SI: variants seen among roughly 807,000 people sequenced by gnomAD.
The protein encoded by SI is sucrase-isomaltase, intestinal.
SI carries 235 observed loss-of-function variants against 253.3 expected under a neutral mutation model. The observed-to-expected ratio is 0.93, with a 90% CI of 0.83 to 1.03. The LOEUF (loss-of-function observed/expected upper bound fraction) is 1.03. Ranked by LOEUF, SI falls within the 50% of genes least tolerant of loss-of-function variation. SI has a pLI of 0.00. For synonymous variants in SI, 819 were observed against 712.0 expected (o/e 1.15, Z -2.39); for missense variants, 2,442 against 2,211.1 (o/e 1.10, Z -2.09).
intron 17 of SI, 150 bp downstream of exon 17, chr3:165,042,909 G>A (rs564193981): frequency 3.1e-6 from 2 of 649,628 alleles, no homozygotes; most frequent in East Asian, 5.5e-5. Flanking sequence ...TACAAAATAT[G>A]TATAGGACTT....
chr3:165,033,921 G>A (rs1365322744), intron 22 of SI, among the ~76,000 whole-genome samples: 1 of 151,198 alleles, frequency 6.6e-6, no homozygotes, highest in Non-Finnish European at 1.5e-5. Context: ...ATAAACTTTA[G>A]TCTGAAATTT....
intron 19 of SI, 42 bp downstream of exon 19, chr3:165,039,845 A>C (rs1485535042): frequency 7.4e-7 from 1 of 1,359,498 alleles, no homozygotes; most frequent in Non-Finnish European, 1.1e-6. Context: ...ATTTAGTTAT[A>C]CAAAGTTCAA....
chr3:165,084,223 T>C, the SI span, among the ~76,000 whole-genome samples: 1 of 152,192 alleles, frequency 6.6e-6, no homozygotes, highest in East Asian at 1.9e-4. Flanking sequence ...ATATGGGTCC[T>C]TACCAGACAT....
chr3:165,048,111 G>C (rs1211910216), intron 15 of SI, among the ~76,000 whole-genome samples: 1 of 151,944 alleles, frequency 6.6e-6, no homozygotes, highest in Non-Finnish European at 1.5e-5. Flanking sequence ...GAATACAGTG[G>C]TTAAGAGTTC....
upstream of SI, among the ~76,000 whole-genome samples, chr3:165,078,849 C>T (rs1042602051): frequency 2.0e-5 from 3 of 151,222 alleles, no homozygotes; most frequent in South Asian, 4.1e-4. Flanking sequence ...AGAGTAGAAA[C>T]ATATTTGAAA....
At chr3:165,028,239 G>C (rs890013214) in intron 25 of SI, among the ~76,000 whole-genome samples, 3 of 151,304 alleles carry the variant, frequency 2.0e-5, no homozygotes, top group African/African-American at 7.3e-5. Context: ...ACCTAACCAA[G>C]GAGGTGAAAG....
chr3:165,048,516 T>G (rs1167835325), intron 15 of SI, among the ~76,000 whole-genome samples: 1 of 148,340 alleles, frequency 6.7e-6, no homozygotes, highest in African/African-American at 2.5e-5. Flanking sequence ...AATTTAAATC[T>G]AGGAGTTACA....
At chr3:165,046,271 T>C (rs1007112161) in intron 16 of SI, among the ~76,000 whole-genome samples, 1 of 152,142 alleles carries the variant, frequency 6.6e-6, no homozygotes, top group East Asian at 1.9e-4. Context: ...ATTTTTGTTA[T>C]GTAGTGTCTC....
At chr3:165,031,172 T>C (rs968518261) in intron 24 of SI, among the ~76,000 whole-genome samples, 2 of 149,640 alleles carry the variant, frequency 1.3e-5, no homozygotes, top group Non-Finnish European at 3.0e-5. Context: ...TTATTGCTTA[T>C]ATGCCTTGGG....
intron 17 of SI, among the ~76,000 whole-genome samples, chr3:165,042,628 C>G (rs764564812): frequency 6.6e-6 from 1 of 152,014 alleles, no homozygotes; most frequent in Non-Finnish European, 1.5e-5. Context: ...TGTTTTGTGA[C>G]TATCTTTAAA....
intron 37 of SI, among the ~76,000 whole-genome samples, chr3:165,000,054 A>G (rs1041923951): frequency 2.6e-5 from 4 of 151,408 alleles, no homozygotes; most frequent in Non-Finnish European, 5.9e-5. Context: ...TATGAAGAGT[A>G]ATAATTGGTG....
chr3:165,036,326 C>T, intron 22 of SI, 63 bp downstream of exon 22: 2 of 1,098,030 alleles, frequency 1.8e-6, no homozygotes, highest in Non-Finnish European at 2.8e-6. Context: ...CAACCTATAT[C>T]AATAAAGCCA....
chr3:165,030,673 G>T, intron 25 of SI, 39 bp downstream of exon 25: 1 of 1,588,070 alleles, frequency 6.3e-7, no homozygotes, highest in Non-Finnish European at 8.6e-7. Flanking sequence ...ATGCTTATGT[G>T]ATAACCATAT....
In SI at chr3:165,062,452, T is replaced by C; in HGVS notation, c.939A>G (p.Thr313=). The C allele has an allele frequency of 3.1e-6, 5 of 1,600,144 alleles. No individual in the cohort carries two copies. Among genetic ancestry groups the C allele is most frequent in the Non-Finnish European group, 4.3e-6 (5 of 1,167,978 alleles). ...CCAGAATGCCACCGGTAACTCTATA[T>C]GTTACTATTGGAGTAGGCTGGATAA... The part of the protein sequence containing the change: ...EIFIQPTPIV[T]YRVTGGILDF... Residue 313 remains threonine (T), a synonymous_variant, in exon 9 of 48, where the codon ACA becomes ACG. Transcript: ENST00000264382.
intron 17 of SI, among the ~76,000 whole-genome samples, chr3:165,042,485 A>C (rs1330667427): frequency 6.6e-6 from 1 of 152,074 alleles, no homozygotes; most frequent in African/African-American, 2.4e-5. Flanking sequence ...CTGAGTTCCC[A>C]CGGCTGGTAG....
At chr3:164,992,462 C>T in intron 41 of SI, 65 bp from the exon 42 acceptor site, 1 of 1,079,896 alleles carries the variant, frequency 9.3e-7, no homozygotes, top group Non-Finnish European at 1.4e-6. Flanking sequence ...ACCATAAAAT[C>T]ATTATTCAAA....
intron 12 of SI, among the ~76,000 whole-genome samples, chr3:165,058,727 A>C (rs1450177268): frequency 1.3e-5 from 2 of 151,940 alleles, no homozygotes; most frequent in African/African-American, 4.8e-5. Context: ...AACCATGAAG[A>C]AATTTATCTG....
chr3:165,059,106 C>T (rs775873266), intron 11 of SI, 24 bp from the exon 12 acceptor site: 4 of 1,593,084 alleles, frequency 2.5e-6, no homozygotes, highest in Non-Finnish European at 1.7e-6. Flanking sequence ...GCAGAAACTG[C>T]AAAATCTATT....
At chr3:165,084,811 G>A in the SI span, among the ~76,000 whole-genome samples, 1 of 151,938 alleles carries the variant, frequency 6.6e-6, no homozygotes, top group Non-Finnish European at 1.5e-5. Flanking sequence ...ATTTAAACAG[G>A]ACATGATTTC....
Sources: allele counts gnomAD v4.1 joint callset (sites outside exome capture counted in the v4.1 genomes callset), GRCh38; gene constraint gnomAD v4.1.1; transcripts MANE v1.5; gene names NCBI Gene and HGNC (gene_info 2026-07-23, HGNC 2026-07-21).